USP42: variants seen among roughly 807,000 people sequenced by gnomAD.
USP42 encodes the protein ubiquitin specific peptidase 42.
In USP42, 23 loss-of-function variants were observed where a neutral mutation model predicts 113.0. That is an observed-to-expected ratio of 0.20 (90% CI 0.15 to 0.29). The LOEUF is 0.29. Ranked by LOEUF, USP42 falls within the 10% of genes least tolerant of loss-of-function variation. USP42 has a pLI of 1.00. For missense variants in USP42, 2,174 were observed against 1,779.8 expected (o/e 1.22, Z -3.99); for synonymous variants, 933 against 699.0 (o/e 1.33, Z -5.28).
chr7:6,115,483 T>G lies in USP42; in HGVS notation c.402T>G (p.Pro134=), dbSNP rs1050658771. The change falls in exon 3 of 18, where the codon CCT becomes CCG. Residue 134 remains proline (P), a synonymous_variant. Transcript: ENST00000306177. The stretch of plus-strand genomic sequence containing the variant: ...TGCAGTGTTTAACCTACACACCACC[T>G]CTTGCCAATTACATGCTATCACATG... ...AALQCLTYTP[P]LANYMLSHEH... 5 of 1,613,930 alleles carry G rather than the reference T, an allele frequency of 3.1e-6. No individual in the cohort carries two copies. The African/African-American group carries it at 6.7e-5, about 22-fold the overall frequency.
chr7:6,105,685 C>G (rs967321937), intron 1 of USP42, among the ~76,000 whole-genome samples: 1 of 152,214 alleles, frequency 6.6e-6, no homozygotes, highest in African/African-American at 2.4e-5. Context: ...AGCCGGGTGG[C>G]GCGTCCCCAA....
At chr7:6,129,413 C>T (rs920806474) in intron 3 of USP42, among the ~76,000 whole-genome samples, 4 of 149,886 alleles carry the variant, frequency 2.7e-5, no homozygotes, top group African/African-American at 9.8e-5. Context: ...AAAGATTAGC[C>T]AGGCATGGTG....
the USP42 span, among the ~76,000 whole-genome samples, chr7:6,082,603 GTTTTTTTTT>G: frequency 4.4e-5 from 4 of 90,196 alleles, no homozygotes; most frequent in Non-Finnish European, 5.9e-5. Flanking sequence ...CTTTCTTTCT[GTTTTTTTTT>G]TTTTTTTTTT....
rs780149997 is a variant in USP42, at chr7:6,147,811, C to A, written c.1305C>A (p.Pro435=). The change falls in exon 12 of 18, where the codon CCC becomes CCA. Residue 435 remains proline (P), a synonymous_variant. Coordinates refer to ENST00000306177, the MANE Select transcript of USP42 (RefSeq NM_032172.3). ...THSPGQSSPR[P]VISQRVVTNK... ...GCCCCGGCCAGTCCTCTCCCCGCCC[C>A]GTCATCAGTCAGCGGGTTGTCACCA... 1.2e-6 allele frequency: 2 copies of A among 1,613,568 alleles called. No individual in the cohort carries two copies. The highest frequency in any genetic ancestry group is 1.3e-5 in the African/African-American group (1 of 74,930).
the USP42 span, among the ~76,000 whole-genome samples, chr7:6,092,049 T>TC: frequency 2.3e-5 from 2 of 87,558 alleles, 1 homozygote; most frequent in South Asian, 7.3e-4. Context: ...TTCTTCTTCT[T>TC]CTTCTTTCTT....
In USP42 at chr7:6,159,953, C is replaced by T. The variant is rs114172066; in HGVS notation, c.*36+460C>T. On this transcript the variant is annotated intron_variant, in intron 17 of 17. Coordinates refer to ENST00000306177, the MANE Select transcript of USP42 (RefSeq NM_032172.3). The surrounding 1 kb of genome is among the most constrained non-coding windows in gnomAD (Gnocchi z 4.1). ...GGTGGCACTGAGCTGGAGCCAGCAC[C>T]CCCCCAGCAGCCACCGTACAAAACC... Among the ~76,000 whole-genome samples the T allele has an allele frequency of 5.3e-3, 811 of 152,298 alleles. 6 individuals are homozygous for T. The highest frequency in any genetic ancestry group is 0.019 in the African/African-American group (777 of 41,568).
At chr7:6,100,847 T>C (rs1359537827), upstream of USP42, among the ~76,000 whole-genome samples, 1 of 150,648 alleles carries the variant, frequency 6.6e-6, no homozygotes, top group Non-Finnish European at 1.5e-5. Flanking sequence ...TTTGTATTTT[T>C]AGAAGAGATG....
At chr7:6,090,888 C>T in the USP42 span, among the ~76,000 whole-genome samples, 54,853 of 148,322 alleles carry the variant, frequency 0.37, 12,549 homozygotes, top group Middle Eastern at 0.61. Context: ...GAGGACCTTA[C>T]GCTTATAACT....
rs751711716 is a variant in USP42 at position 6,154,195 on chromosome 7, C to T, written c.2641C>T (p.Arg881Trp). The T allele has an allele frequency of 1.2e-5, 20 of 1,601,940 alleles. No homozygotes were observed. The highest frequency in any genetic ancestry group is 1.7e-4 in the Middle Eastern group (1 of 6,046). The change falls in exon 15 of 18, where the codon CGG becomes TGG. Residue 881 changes from arginine (R) to tryptophan (W), a missense_variant. Transcript: ENST00000306177. ...LLVHPSGDHA[R>W]DAQDPSQSLG... The stretch of plus-strand genomic sequence containing the variant: ...TGTTCACCCCAGCGGGGACCACGCC[C>T]GGGACGCTCAGGACCCATCCCAGAG...
the USP42 span, among the ~76,000 whole-genome samples, chr7:6,082,135 T>C: frequency 6.8e-6 from 1 of 147,398 alleles, no homozygotes; most frequent in African/African-American, 2.5e-5. Flanking sequence ...AATTTATCCT[T>C]TTTTTTTTTT....
the USP42 span, among the ~76,000 whole-genome samples, chr7:6,086,081 G>A: frequency 6.7e-6 from 1 of 149,394 alleles, no homozygotes; most frequent in African/African-American, 2.5e-5. Context: ...TCTCACCCAG[G>A]TTGGTTTGCA....
chr7:6,081,962 CAT>C, the USP42 span, among the ~76,000 whole-genome samples: 3 of 151,958 alleles, frequency 2.0e-5, no homozygotes, highest in African/African-American at 7.3e-5. Flanking sequence ...CATAAAATAA[CAT>C]ATTCTGTGAG....
At chr7:6,115,218 G>A in intron 2 of USP42, 105 bp from the exon 3 acceptor site, 1 of 1,134,182 alleles carries the variant, frequency 8.8e-7, no homozygotes, top group Non-Finnish European at 1.3e-6. Flanking sequence ...GGCTGGTCAT[G>A]AGATTTCGGA....
chr7:6,140,265 G>A, intron 6 of USP42, 70 bp downstream of exon 6: 2 of 1,375,026 alleles, frequency 1.5e-6, no homozygotes, highest in Non-Finnish European at 2.1e-6. Flanking sequence ...AGTAGGACAG[G>A]GTTAGTCCTA....
At chr7:6,115,561 G>A (rs764034577) in intron 3 of USP42, 38 bp downstream of exon 3, 30 of 1,596,442 alleles carry the variant, frequency 1.9e-5, no homozygotes, top group South Asian at 2.2e-5. Context: ...ATTGTAGTGC[G>A]CTAACCTACT....
At chr7:6,111,912 C>T (rs1229881647) in intron 2 of USP42, 1 of 152,678 alleles carries the variant, frequency 6.5e-6, no homozygotes, top group Non-Finnish European at 1.5e-5. Flanking sequence ...CACGCCAGGC[C>T]CTTTTATTCC....
chr7:6,128,682 C>A (rs1780673432), intron 3 of USP42, among the ~76,000 whole-genome samples: 1 of 151,416 alleles, frequency 6.6e-6, no homozygotes, highest in African/African-American at 2.4e-5. Flanking sequence ...AGACTTAAGG[C>A]TTATTCTGCC....
the USP42 span, among the ~76,000 whole-genome samples, chr7:6,091,988 T>TTCC: frequency 1.7e-4 from 8 of 47,768 alleles, no homozygotes; most frequent in South Asian, 3.3e-3. Flanking sequence ...TTTCTTCTTC[T>TTCC]TCTTCTTCTT....
At position 6,156,892 on chromosome 7, in the gene USP42, G is replaced by A. The variant is rs1331845835; in HGVS notation, c.3780G>A (p.Arg1260=). 9 of 1,613,502 alleles carry A rather than the reference G, an allele frequency of 5.6e-6. No individual in the cohort carries two copies. The highest frequency in any genetic ancestry group is 1.3e-5 in the African/African-American group (1 of 74,854). ...FVKDSELHLP[R]VTSLETVAQF... ...AAGATTCAGAACTGCACTTACCCAGGGTCACCAGCTTGGAGACTGTCGCCC... is the reference window on the plus strand; with the variant it reads ...AAGATTCAGAACTGCACTTACCCAGAGTCACCAGCTTGGAGACTGTCGCCC... Residue 1260 remains arginine (R), a synonymous_variant, in exon 16 of 18, where the codon AGG becomes AGA. Coordinates refer to ENST00000306177, the MANE Select transcript of USP42 (RefSeq NM_032172.3).
Sources: gnomAD v4.1 joint callset for allele counts (sites outside exome capture counted in the v4.1 genomes callset) on GRCh38, gnomAD v4.1.1 for gene constraint, Gnocchi (gnomAD v3.1) non-coding constraint, MANE v1.5 for transcripts, NCBI Gene and HGNC (gene_info 2026-07-23, HGNC 2026-07-21) for gene names.